JMJD1C: variants seen among roughly 807,000 people sequenced by gnomAD.
The protein encoded by JMJD1C is jumonji domain containing 1C.
In JMJD1C, 31 loss-of-function variants were observed where a neutral mutation model predicts 245.3. That is an observed-to-expected ratio of 0.13 (90% CI 0.09 to 0.17). The LOEUF (loss-of-function observed/expected upper bound fraction) is 0.17, where lower values mean the gene tolerates loss of function less well. JMJD1C is among the 10% of genes least tolerant of loss of function. JMJD1C has a pLI of 1.00. For missense variants in JMJD1C, 2,691 were observed against 3,000.2 expected, an observed-to-expected ratio of 0.90 and a Z score of 2.41; for synonymous variants, 1,057 against 1,017.4, an observed-to-expected ratio of 1.04 and a Z score of -0.74.
At chr10:63,503,119 G>A (rs1467424595) in intron 1 of JMJD1C, among the ~76,000 whole-genome samples, 4 of 152,160 alleles carry the variant, frequency 2.6e-5, no homozygotes, top group Non-Finnish European at 5.9e-5. Context: ...AAGACAAAGG[G>A]CCTGAGAAAT....
intron 1 of JMJD1C, among the ~76,000 whole-genome samples, chr10:63,449,112 G>A (rs148307216): frequency 0.022 from 3,289 of 151,262 alleles, 56 homozygotes; most frequent in Non-Finnish European, 0.033. Flanking sequence ...GCAAGACTCC[G>A]TCTCAAAAAT....
intron 1 of JMJD1C, among the ~76,000 whole-genome samples, chr10:63,383,857 G>T (rs1465241140): frequency 2.0e-5 from 3 of 152,152 alleles, no homozygotes. Flanking sequence ...TGCTCAGGGT[G>T]GTGGTAGCTC....
intron 2 of JMJD1C, among the ~76,000 whole-genome samples, chr10:63,365,020 C>G (rs992633902): frequency 9.2e-5 from 14 of 152,294 alleles, no homozygotes; most frequent in Admixed American, 8.5e-4. Context: ...ATGATTTGAT[C>G]ACCGCTTACT....
intron 7 of JMJD1C, 48 bp from the exon 8 acceptor site, chr10:63,215,199 A>T: frequency 1.3e-6 from 2 of 1,518,322 alleles, no homozygotes; most frequent in Non-Finnish European, 1.8e-6. Flanking sequence ...CTAAATAAGC[A>T]TATTTTAAAA....
chr10:63,449,820 T>TCCAA (rs1461542886), intron 1 of JMJD1C, among the ~76,000 whole-genome samples: 1 of 152,010 alleles, frequency 6.6e-6, no homozygotes, highest in Non-Finnish European at 1.5e-5. Flanking sequence ...TGTACACAAT[T>TCCAA]CCAAGCAAAG....
chr10:63,169,315 A>C (rs1842133606), intron 24 of JMJD1C, among the ~76,000 whole-genome samples: 3 of 152,178 alleles, frequency 2.0e-5, no homozygotes, highest in Admixed American at 2.0e-4. Flanking sequence ...GCTGCTTTCT[A>C]TTAATGCCAG....
chr10:63,398,116 C>T (rs1948616768), intron 1 of JMJD1C, among the ~76,000 whole-genome samples: 1 of 152,066 alleles, frequency 6.6e-6, no homozygotes, highest in Non-Finnish European at 1.5e-5. Flanking sequence ...TAAAACTATC[C>T]ATTATTTAAC....
At chr10:63,454,836 T>C (rs1427902528) in intron 1 of JMJD1C, among the ~76,000 whole-genome samples, 1 of 152,248 alleles carries the variant, frequency 6.6e-6, no homozygotes. Context: ...ATCCTCATGG[T>C]GTAGTTTCAC....
intron 1 of JMJD1C, among the ~76,000 whole-genome samples, chr10:63,486,148 AAAAAAAAAAAAAAAAAAAAAC>A (rs1169706106): frequency 3.2e-5 from 3 of 94,850 alleles, no homozygotes; most frequent in African/African-American, 1.1e-4. Context: ...AAAAAAAAAA[AAAAAAAAAAAAAAAAAAAAAC>A]AAAAAACAGA....
At chr10:63,272,126 G>C (rs991663298) in intron 2 of JMJD1C, among the ~76,000 whole-genome samples, 1 of 151,378 alleles carries the variant, frequency 6.6e-6, no homozygotes, top group African/African-American at 2.4e-5. Flanking sequence ...TTTCAATTTA[G>C]TATATGATGA....
chr10:63,259,662 A>C (rs997215413), intron 3 of JMJD1C, among the ~76,000 whole-genome samples: 2 of 152,240 alleles, frequency 1.3e-5, no homozygotes, highest in African/African-American at 4.8e-5. Flanking sequence ...CACAGTCCAG[A>C]CACATTCATT....
At chr10:63,348,927 C>T (rs1256430266) in intron 2 of JMJD1C, among the ~76,000 whole-genome samples, 1 of 151,788 alleles carries the variant, frequency 6.6e-6, no homozygotes, top group Non-Finnish European at 1.5e-5. Flanking sequence ...ATGGTGAAAC[C>T]CCGTCTCTAC....
chr10:63,438,875 T>C (rs1951205072), intron 1 of JMJD1C, among the ~76,000 whole-genome samples: 1 of 152,186 alleles, frequency 6.6e-6, no homozygotes, highest in South Asian at 2.1e-4. Context: ...ACATTCATGC[T>C]TTTATTTTCT....
At chr10:63,218,179 CA>C (rs1344646103) in intron 4 of JMJD1C, among the ~76,000 whole-genome samples, 1 of 151,950 alleles carries the variant, frequency 6.6e-6, no homozygotes, top group African/African-American at 2.4e-5. Context: ...AGCCCTTTTA[CA>C]AAAATCAAGA....
At chr10:63,427,315 G>C in intron 1 of JMJD1C, 1 of 973,910 alleles carries the variant, frequency 1.0e-6, no homozygotes, top group Non-Finnish European at 1.5e-6. Flanking sequence ...GTATTTCCTG[G>C]GCCAGGGCGT....
chr10:63,454,219 C>A (rs891506439), intron 1 of JMJD1C, among the ~76,000 whole-genome samples: 2 of 151,666 alleles, frequency 1.3e-5, no homozygotes, highest in African/African-American at 2.4e-5. Flanking sequence ...GTCAACCAAG[C>A]GTACAAAATG....
chr10:63,427,367 A>C, intron 1 of JMJD1C: 1 of 1,033,170 alleles, frequency 9.7e-7, no homozygotes. Flanking sequence ...GCCTTCTGGC[A>C]TCAGTACCCA....
intron 1 of JMJD1C, among the ~76,000 whole-genome samples, chr10:63,426,264 T>C (rs114251676): frequency 0.059 from 8,899 of 151,968 alleles, 425 homozygotes; most frequent in African/African-American, 0.13. Context: ...CTGGTAGTCC[T>C]CACAGGATCC....
chr10:63,446,574 T>C (rs1951731509), intron 1 of JMJD1C, among the ~76,000 whole-genome samples: 2 of 152,102 alleles, frequency 1.3e-5, no homozygotes, highest in South Asian at 2.1e-4. Context: ...TAAAGGATTG[T>C]AGATATGAGG....
Sources: allele counts gnomAD v4.1 joint callset (sites outside exome capture counted in the v4.1 genomes callset), GRCh38; gene constraint gnomAD v4.1.1; transcripts MANE v1.5; gene names NCBI Gene and HGNC (gene_info 2026-07-23, HGNC 2026-07-21).